Variants in SP140 observed in about 807,000 individuals in gnomAD.
SP140 encodes nuclear body protein SP140.
SP140 carries 81 observed loss-of-function variants against 125.0 expected under a neutral mutation model. That is an observed-to-expected ratio of 0.65 (90% confidence interval 0.54 to 0.78). The LOEUF (loss-of-function observed/expected upper bound fraction) is 0.78. SP140 is among the 30% of genes least tolerant of loss of function. SP140 has a pLI of 0.00. For missense variants in SP140, 858 were observed against 1,037.0 expected (o/e 0.83, Z 2.37); for synonymous variants, 312 against 354.0 (o/e 0.88, Z 1.33).
chr2:230,304,912 A>G lies in SP140; in HGVS notation c.2059-5012A>G, dbSNP rs376074293. 7.9e-4 allele frequency among the ~76,000 whole-genome samples: 121 copies of G among 152,364 alleles called. 1 individual carries two copies. The highest frequency in any genetic ancestry group is 2.8e-3 in the African/African-American group (116 of 41,580). On this transcript the variant is annotated intron_variant, in intron 22 of 26. Coordinates refer to ENST00000392045, the MANE Select transcript of SP140 (RefSeq NM_007237.5). Reference sequence around the variant, plus strand: ...AGAAAAACAAAGATAAATAGATGGGATTTAATTAAACTAAAAGGCTTCTAT... The same window carrying G: ...AGAAAAACAAAGATAAATAGATGGGGTTTAATTAAACTAAAAGGCTTCTAT...
At position 230,285,830 on chromosome 2, in the gene SP140, G is replaced by T. The variant is rs376571047; in HGVS notation, c.1643G>T (p.Arg548Met). 6.2e-7 allele frequency: 1 copy of T among 1,610,696 alleles called. No homozygotes were observed. Among genetic ancestry groups the T allele is most frequent in the Non-Finnish European group, 8.5e-7 (1 of 1,176,922 alleles). ...NVNLKDLSKI[R>M]GRKRGKPGTR... is the part of the protein sequence containing the mutation. ...AATCTGAAAGACCTTTCCAAGATTA[G>T]GGGTAAGATAAAGTTTGTCCGCTTT... Residue 548 changes from arginine to methionine, a missense_variant and splice_region_variant, in exon 17 of 27, where the codon AGG (arginine) becomes ATG (methionine). Arg to Met is a moderately conservative substitution (Grantham distance 91). This residue lies in a region of SP140 where 791 missense variants were observed against 869.5 expected (regional missense o/e 0.91). Coordinates refer to ENST00000392045, the MANE Select transcript of SP140 (RefSeq NM_007237.5).
At chr2:230,245,663 GA>G (rs1171081127) in intron 6 of SP140, among the ~76,000 whole-genome samples, 199 bp from the exon 7 acceptor site, 2 of 152,202 alleles carry the variant, frequency 1.3e-5, no homozygotes, top group East Asian at 1.9e-4. Flanking sequence ...GTTAGAGGGA[GA>G]AAAAAGAAGG....
intron 3 of SP140, among the ~76,000 whole-genome samples, chr2:230,218,655 A>T (rs1156942310): frequency 6.6e-6 from 1 of 152,192 alleles, no homozygotes; most frequent in African/African-American, 2.4e-5. Flanking sequence ...CAAAGATGAA[A>T]GGGAGGCACA....
At chr2:230,234,552 C>T (rs1477609827) in intron 1 of SP140, among the ~76,000 whole-genome samples, 1 of 152,160 alleles carries the variant, frequency 6.6e-6, no homozygotes, top group African/African-American at 2.4e-5. Context: ...TTCTCAAGAA[C>T]TGAATGGGTA....
intron 1 of SP140, among the ~76,000 whole-genome samples, chr2:230,226,619 G>A (rs1253634609): frequency 1.3e-5 from 2 of 151,988 alleles, no homozygotes; most frequent in Non-Finnish European, 2.9e-5. Context: ...AAAATTAGCT[G>A]GGTGTCATGG....
intron 3 of SP140, chr2:230,216,811 G>A (rs371675905): frequency 6.2e-7 from 1 of 1,613,988 alleles, no homozygotes; most frequent in African/African-American, 1.3e-5. Context: ...TGATGGAGTT[G>A]TCTAGGAGGC....
chr2:230,253,455 C>T, intron 11 of SP140, 38 bp downstream of exon 11: 1 of 1,485,878 alleles, frequency 6.7e-7, no homozygotes, highest in Non-Finnish European at 9.4e-7. Flanking sequence ...TTGAGTACAT[C>T]TTTGTTTTCC....
At chr2:230,300,259 T>G (rs920114980) in intron 22 of SP140, among the ~76,000 whole-genome samples, 7 of 152,156 alleles carry the variant, frequency 4.6e-5, no homozygotes, top group African/African-American at 1.7e-4. Flanking sequence ...AAACAACAAC[T>G]AATTATACTG....
chr2:230,313,558 C>G (rs1358367648), downstream of SP140, among the ~76,000 whole-genome samples: 1 of 152,204 alleles, frequency 6.6e-6, no homozygotes, highest in African/African-American at 2.4e-5. Flanking sequence ...TGGCCACACC[C>G]TGGTTTAGCT....
chr2:230,283,628 C>G (rs1415050059), intron 15 of SP140, among the ~76,000 whole-genome samples: 1 of 152,188 alleles, frequency 6.6e-6, no homozygotes, highest in East Asian at 1.9e-4. Flanking sequence ...AGATTGCTCC[C>G]TTCAATGAGC....
At position 230,263,167 on chromosome 2, in the gene SP140, T is replaced by C. The variant is rs576646530; in HGVS notation, c.1241-6365T>C. 2.0e-5 allele frequency among the ~76,000 whole-genome samples: 3 copies of C among 152,298 alleles called. No individual in the cohort carries two copies. In the South Asian group the frequency reaches 6.2e-4, roughly 32 times the overall value. On this transcript the variant is annotated intron_variant, in intron 12 of 26. Coordinates refer to ENST00000392045, the MANE Select transcript of SP140 (RefSeq NM_007237.5). ...ATGTTAGGTGCATATATGTTTAGAATTGTCGTATTTTCCTGTTGGACAAGG... is the reference window on the plus strand; with the variant it reads ...ATGTTAGGTGCATATATGTTTAGAACTGTCGTATTTTCCTGTTGGACAAGG...
chr2:230,288,396 T>C (rs2056668193), intron 18 of SP140, among the ~76,000 whole-genome samples: 1 of 152,246 alleles, frequency 6.6e-6, no homozygotes, highest in Admixed American at 6.5e-5. Flanking sequence ...GGCTGATCAT[T>C]TGACTTTCTT....
intron 1 of SP140, among the ~76,000 whole-genome samples, chr2:230,204,913 G>T (rs1205677714): frequency 6.6e-6 from 1 of 152,182 alleles, no homozygotes; most frequent in Non-Finnish European, 1.5e-5. Context: ...AAAGGGGAGA[G>T]AAATGAAATG....
chr2:230,196,754 C>T, the SP140 span, among the ~76,000 whole-genome samples: 7 of 151,236 alleles, frequency 4.6e-5, no homozygotes, highest in Non-Finnish European at 8.8e-5. Flanking sequence ...CATGTGCTCT[C>T]ATTGTTCAAT....
chr2:230,222,860 T>A (rs867248703), upstream of SP140, among the ~76,000 whole-genome samples: 74 of 134,330 alleles, frequency 5.5e-4, 1 homozygote, highest in South Asian at 1.5e-3. Flanking sequence ...TTTTTTTTTT[T>A]ATCAATGAAG....
At chr2:230,312,552 A>T in intron 26 of SP140, 34 bp from the exon 27 acceptor site, 1 of 1,405,152 alleles carries the variant, frequency 7.1e-7, no homozygotes, top group Non-Finnish European at 1.0e-6. Context: ...GCTAATGATG[A>T]GGAGCATTGT....
chr2:230,303,548 C>T (rs1417836131), intron 22 of SP140, among the ~76,000 whole-genome samples: 1 of 152,142 alleles, frequency 6.6e-6, no homozygotes, highest in Non-Finnish European at 1.5e-5. Flanking sequence ...GGGCATCCTC[C>T]CTAAATCATT....
At chr2:230,265,794 G>A (rs920214766) in intron 12 of SP140, among the ~76,000 whole-genome samples, 83 of 151,874 alleles carry the variant, frequency 5.5e-4, no homozygotes, top group Middle Eastern at 3.4e-3. Context: ...GTTTTACGGG[G>A]GGGGGCGGTC....
At chr2:230,261,028 C>G (rs908517095) in intron 12 of SP140, among the ~76,000 whole-genome samples, 2 of 151,958 alleles carry the variant, frequency 1.3e-5, no homozygotes, top group Admixed American at 6.6e-5. Context: ...TTGCTTTTGG[C>G]GGTATGATCA....
Sources: allele counts gnomAD v4.1 joint callset (sites outside exome capture counted in the v4.1 genomes callset), GRCh38; gene constraint gnomAD v4.1.1; regional missense constraint gnomAD v4.1.1; transcripts MANE v1.5; gene names NCBI Gene and HGNC (gene_info 2026-07-23, HGNC 2026-07-21).